CANX: variants seen among roughly 807,000 people sequenced by gnomAD.
CANX encodes epididymis secretory sperm binding protein.
CANX carries 14 observed loss-of-function variants against 75.7 expected under a neutral mutation model. The ratio of observed to expected loss-of-function variants is 0.19; its 90% CI spans 0.12 to 0.29. The LOEUF (loss-of-function observed/expected upper bound fraction) is 0.29. Among genes scored for constraint, CANX ranks in the 10% least tolerant of loss-of-function variants. CANX has a pLI of 1.00. For synonymous variants in CANX, 227 were observed against 236.9 expected (o/e 0.96, Z 0.38); for missense variants, 567 against 713.2 (o/e 0.79, Z 2.34).
rs1018933393 is a variant in CANX, at chr5:179,699,105, G to T, written c.-4+3G>T. On this transcript the variant is annotated splice_donor_region_variant and intron_variant, in intron 1 of 14. Coordinates refer to ENST00000247461, the MANE Select transcript of CANX (RefSeq NM_001746.4). ...CCGCGGTCCCCGGGAGGCTAGAGGTGAGAGGGGAGACCTGAGCGCGTCCTC... is the reference window on the plus strand; with the variant it reads ...CCGCGGTCCCCGGGAGGCTAGAGGTTAGAGGGGAGACCTGAGCGCGTCCTC... 1.3e-5 allele frequency: 14 copies of T among 1,060,242 alleles called. No homozygotes were observed. The Admixed American group carries it at 2.3e-4, about 18-fold the overall frequency. 65.7% of individuals were successfully genotyped at this position (1,060,242 alleles called of 1,614,324 possible).
At chr5:179,698,741 C>A, upstream of CANX, 1 of 677,724 alleles carries the variant, frequency 1.5e-6, no homozygotes, top group Non-Finnish European at 2.2e-6. Context: ...CCCTCACCTC[C>A]CGCCCAACCA....
intron 1 of CANX, among the ~76,000 whole-genome samples, chr5:179,702,423 C>T (rs1238455058): frequency 2.1e-5 from 3 of 143,982 alleles, no homozygotes; most frequent in African/African-American, 7.5e-5. Context: ...TTCCTTCCTT[C>T]CTTCTTTTTT....
At chr5:179,727,731 T>C (rs1270724366) in intron 14 of CANX, among the ~76,000 whole-genome samples, 3 of 152,146 alleles carry the variant, frequency 2.0e-5, no homozygotes, top group Non-Finnish European at 4.4e-5. Flanking sequence ...AGGAGGTCCC[T>C]GTAATCATCT....
chr5:179,719,856 C>G (rs868385600), intron 9 of CANX, 75 bp downstream of exon 9: 123 of 795,752 alleles, frequency 1.5e-4, no homozygotes, highest in Middle Eastern at 9.6e-4. Flanking sequence ...GAGTCTCACT[C>G]TGTCTCCCAG....
chr5:179,683,001 G>A (rs1017431718), intron 1 of CANX, among the ~76,000 whole-genome samples: 5 of 152,206 alleles, frequency 3.3e-5, no homozygotes, highest in African/African-American at 1.2e-4. Context: ...CCACCCACCT[G>A]ACTGCAAGGG....
chr5:179,679,239 A>C, intron 1 of CANX: 1 of 1,530,790 alleles, frequency 6.5e-7, no homozygotes, highest in South Asian at 1.2e-5. Context: ...GATGTCCAGA[A>C]TGATGAAGGC....
intron 1 of CANX, among the ~76,000 whole-genome samples, chr5:179,692,679 A>T (rs897517929): frequency 6.6e-6 from 1 of 151,610 alleles, no homozygotes; most frequent in Non-Finnish European, 1.5e-5. Context: ...GGCATATGCC[A>T]CTAATTTTTT....
rs111718324 is a variant in CANX at position 179,689,512 on chromosome 5, T to C, written c.-4+10735T>C. On this transcript the variant is annotated intron_variant, in intron 1 of 14. Transcript: ENST00000681674. ...AAGCGATTCTCCTGTCTCAGCCTCCTGAGTAGCTGGGATTATAGGCGTCCG... is the reference window on the plus strand; with the variant it reads ...AAGCGATTCTCCTGTCTCAGCCTCCCGAGTAGCTGGGATTATAGGCGTCCG... Among the ~76,000 whole-genome samples the C allele has an allele frequency of 8.8e-3, 1,321 of 149,876 alleles. 28 individuals are homozygous for C. Among genetic ancestry groups the C allele is most frequent in the African/African-American group, 0.031 (1,270 of 40,840 alleles).
chr5:179,679,239 A>G, intron 1 of CANX: 1 of 1,530,790 alleles, frequency 6.5e-7, no homozygotes, highest in Non-Finnish European at 8.7e-7. Flanking sequence ...GATGTCCAGA[A>G]TGATGAAGGC....
Position 179,728,520 on chromosome 5 carries a change from C to G in CANX, c.1726-71C>G, listed in dbSNP as rs1404350310. 4 of 944,968 alleles carry G rather than the reference C, an allele frequency of 4.2e-6. No individual in the cohort carries two copies. In the African/African-American group the frequency reaches 6.6e-5, roughly 16 times the overall value. The allele number at this position is 944,968 out of a possible 1,614,324, so 58.5% of individuals were successfully genotyped here. On this transcript the variant is annotated intron_variant, in intron 14 of 14. Coordinates refer to ENST00000247461, the MANE Select transcript of CANX (RefSeq NM_001746.4). ...ATAAGTTACCCTCAGTCTGGCTGATCTTGAAAATATGGTGAACTTTTATTA... is the reference window on the plus strand; with the variant it reads ...ATAAGTTACCCTCAGTCTGGCTGATGTTGAAAATATGGTGAACTTTTATTA...
chr5:179,701,768 CG>C (rs1337335427), intron 1 of CANX, among the ~76,000 whole-genome samples: 1 of 12,142 alleles, frequency 8.2e-5, no homozygotes, highest in Non-Finnish European at 4.1e-4. Flanking sequence ...TTTTTTGAGA[CG>C]GAGTCTCCCT....
At chr5:179,716,465 A>G (rs1777957618) in intron 8 of CANX, among the ~76,000 whole-genome samples, 171 bp downstream of exon 8, 1 of 152,188 alleles carries the variant, frequency 6.6e-6, no homozygotes, top group African/African-American at 2.4e-5. Flanking sequence ...CCATAGTGTA[A>G]TCATCTGGAT....
chr5:179,698,721 C>T (rs544233177), upstream of CANX: 573 of 766,476 alleles, frequency 7.5e-4, no homozygotes, highest in Non-Finnish European at 1.0e-3. Context: ...CTCGATCCAG[C>T]GTGGCCCGCC....
At chr5:179,715,634 G>A (rs1361000652) in intron 7 of CANX, among the ~76,000 whole-genome samples, 1 of 152,164 alleles carries the variant, frequency 6.6e-6, no homozygotes, top group Non-Finnish European at 1.5e-5. Context: ...AGAATCATGA[G>A]TGGACATGCG....
In CANX at chr5:179,731,054, A is replaced by G. The variant is rs1296338824; in HGVS notation, c.*2410A>G. 1 of 152,238 alleles carries G rather than the reference A, an allele frequency of 6.6e-6. No homozygotes were observed. The highest frequency in any genetic ancestry group is 1.5e-5 in the Non-Finnish European group (1 of 68,042). The allele number at this position is 152,238 out of a possible 1,614,324, so 9.4% of individuals were successfully genotyped here. ...CTACTAGGCAGAAACTATTATGGAC[A>G]GTGAAATAATGACTTTTATCTCACC... On this transcript the variant is annotated 3_prime_UTR_variant, in exon 15 of 15. Coordinates refer to ENST00000247461, the MANE Select transcript of CANX (RefSeq NM_001746.4).
intron 1 of CANX, among the ~76,000 whole-genome samples, chr5:179,692,989 A>G (rs1329437699): frequency 1.3e-5 from 2 of 151,938 alleles, no homozygotes; most frequent in African/African-American, 2.4e-5. Flanking sequence ...TACTAAAAAT[A>G]CAAAAAATTA....
intron 2 of CANX, 83 bp downstream of exon 2, chr5:179,705,935 TC>T: frequency 8.8e-7 from 1 of 1,130,258 alleles, no homozygotes; most frequent in Non-Finnish European, 1.3e-6. Context: ...GGAAATGTAG[TC>T]TCAACTACTC....
chr5:179,703,641 ATT>A (rs372523788), intron 1 of CANX, among the ~76,000 whole-genome samples: 66 of 141,994 alleles, frequency 4.6e-4, no homozygotes, highest in African/African-American at 1.4e-3. Context: ...AGACAGGATA[ATT>A]TTTTTTTTTT....
chr5:179,685,681 A>G (rs1037563259), intron 1 of CANX, among the ~76,000 whole-genome samples: 7 of 149,670 alleles, frequency 4.7e-5, no homozygotes, highest in African/African-American at 1.7e-4. Flanking sequence ...CAGCCTCCCA[A>G]GTAGCTGGGA....
Sources: allele counts gnomAD v4.1 joint callset (sites outside exome capture counted in the v4.1 genomes callset), GRCh38; gene constraint gnomAD v4.1.1; transcripts MANE v1.5; gene names NCBI Gene and HGNC (gene_info 2026-07-23, HGNC 2026-07-21).